PDSS2: variants seen among roughly 807,000 people sequenced by gnomAD.
PDSS2 encodes all trans-polyprenyl-diphosphate synthase PDSS2.
Under a neutral mutation model 44.5 loss-of-function variants are expected in PDSS2, and 31 were observed. That is an observed-to-expected ratio of 0.70 (90% CI 0.52 to 0.94). PDSS2 has a LOEUF of 0.94. PDSS2 is among the 40% of genes least tolerant of loss of function. The pLI, the probability that PDSS2 is intolerant of heterozygous loss-of-function variation, is 0.00. For missense variants in PDSS2, 452 were observed against 482.2 expected (o/e 0.94, Z 0.59); for synonymous variants, 157 against 180.3 (o/e 0.87, Z 1.03).
intron 2 of PDSS2, among the ~76,000 whole-genome samples, chr6:107,277,402 G>C (rs922893546): frequency 6.6e-6 from 1 of 152,234 alleles, no homozygotes; most frequent in African/African-American, 2.4e-5. Flanking sequence ...GGATAAGTGA[G>C]AGATAAGAAT....
chr6:107,303,221 A>G (rs1250238129), intron 2 of PDSS2, among the ~76,000 whole-genome samples: 1 of 152,192 alleles, frequency 6.6e-6, no homozygotes, highest in Non-Finnish European at 1.5e-5. Flanking sequence ...CACTCCCTCA[A>G]TAATGACAAT....
intron 2 of PDSS2, among the ~76,000 whole-genome samples, chr6:107,306,453 T>A (rs1036913119): frequency 2.6e-5 from 4 of 152,222 alleles, no homozygotes; most frequent in African/African-American, 9.7e-5. Flanking sequence ...CACGTGGAAC[T>A]GTAAGTCCAA....
At chr6:107,338,007 T>C (rs1036542691) in intron 1 of PDSS2, among the ~76,000 whole-genome samples, 13 of 152,176 alleles carry the variant, frequency 8.5e-5, no homozygotes, top group African/African-American at 2.4e-4. Context: ...ATCTGGAGGA[T>C]AGACTAACAG....
intron 2 of PDSS2, among the ~76,000 whole-genome samples, chr6:107,308,354 A>G (rs1776929559): frequency 6.6e-6 from 1 of 152,230 alleles, no homozygotes; most frequent in African/African-American, 2.4e-5. Flanking sequence ...AATATCTACT[A>G]TGTGTTAGAC....
intron 1 of PDSS2, among the ~76,000 whole-genome samples, chr6:107,336,840 G>C (rs1416765021): frequency 4.3e-5 from 3 of 68,972 alleles, no homozygotes; most frequent in Non-Finnish European, 5.7e-5. Context: ...GTGTGTGTGT[G>C]TGTGTGTGTG....
At chr6:107,157,559 C>T (rs577312178) in intron 7 of PDSS2, among the ~76,000 whole-genome samples, 1 of 152,252 alleles carries the variant, frequency 6.6e-6, no homozygotes, top group East Asian at 1.9e-4. Context: ...CCAAATTCCA[C>T]CTGGGTGGAA....
At chr6:107,172,629 A>C (rs181042657) in intron 7 of PDSS2, among the ~76,000 whole-genome samples, 1 of 152,318 alleles carries the variant, frequency 6.6e-6, no homozygotes, top group Admixed American at 6.5e-5. Flanking sequence ...CAGTGAATTT[A>C]TGGAGAATTT....
At chr6:107,326,827 G>A (rs964257063) in intron 2 of PDSS2, among the ~76,000 whole-genome samples, 1 of 151,734 alleles carries the variant, frequency 6.6e-6, no homozygotes, top group Non-Finnish European at 1.5e-5. Flanking sequence ...ACTACATTCT[G>A]GGTGACAGAG....
At chr6:107,373,872 A>C (rs1244229537) in intron 1 of PDSS2, among the ~76,000 whole-genome samples, 1 of 152,224 alleles carries the variant, frequency 6.6e-6, no homozygotes, top group Non-Finnish European at 1.5e-5. Flanking sequence ...AAACTAGATT[A>C]CTGCTTAGGA....
intron 1 of PDSS2, among the ~76,000 whole-genome samples, chr6:107,458,412 C>CAAAAAAAAAAAAAAAA (rs60758453): frequency 0.025 from 1,907 of 77,796 alleles, 465 homozygotes; most frequent in Middle Eastern, 0.065. Context: ...GACTCCGTCT[C>CAAAAAAAAAAAAAAAA]AAAAAAAAAA....
intron 1 of PDSS2, among the ~76,000 whole-genome samples, chr6:107,353,712 A>C (rs1472294769): frequency 6.6e-6 from 1 of 152,170 alleles, no homozygotes; most frequent in African/African-American, 2.4e-5. Flanking sequence ...AAAGTGCCAA[A>C]GATTCTCAAA....
chr6:107,381,419 A>G (rs1041922654), intron 1 of PDSS2, among the ~76,000 whole-genome samples: 2 of 152,200 alleles, frequency 1.3e-5, no homozygotes, highest in African/African-American at 4.8e-5. Context: ...TCATTTTGGA[A>G]ATGAGATTTT....
chr6:107,266,130 G>A (rs1775405270), intron 3 of PDSS2, among the ~76,000 whole-genome samples: 1 of 152,166 alleles, frequency 6.6e-6, no homozygotes, highest in African/African-American at 2.4e-5. Flanking sequence ...AAATTATTCT[G>A]ATGAAAATAT....
chr6:107,276,567 G>A (rs189047259), intron 2 of PDSS2, among the ~76,000 whole-genome samples: 3 of 152,330 alleles, frequency 2.0e-5, no homozygotes, highest in East Asian at 3.9e-4. Flanking sequence ...TGAGACTGGG[G>A]TCTTGGGAGG....
At position 107,459,024 on chromosome 6, in the gene PDSS2, C is replaced by T; in HGVS notation, c.262G>A (p.Val88Met). Residue 88 changes from valine (V) to methionine (M), a missense_variant, in exon 1 of 8, where the codon GTG becomes ATG. Coordinates refer to ENST00000369037, the MANE Select transcript of PDSS2 (RefSeq NM_020381.4). This position sits in a 1 kb window ranked among gnomAD's most constrained non-coding sequence, Gnocchi z 4.3. Reference sequence around the variant, plus strand: ...GTAAGCAGAGGGTGCTGAGTGCCCACCAGCTTCCGCACCTGCATAGCGATG... The same window carrying T: ...GTAAGCAGAGGGTGCTGAGTGCCCATCAGCTTCCGCACCTGCATAGCGATG... ...SNIAMQVRKLVGTQHPLLTTA... is the reference protein window; with the variant it reads ...SNIAMQVRKLMGTQHPLLTTA... The T allele has an allele frequency of 1.9e-6, 3 of 1,614,138 alleles. No homozygotes were observed. The highest frequency in any genetic ancestry group is 2.5e-6 in the Non-Finnish European group (3 of 1,180,016).
At chr6:107,211,458 G>A (rs1052769246) in intron 5 of PDSS2, among the ~76,000 whole-genome samples, 6 of 151,924 alleles carry the variant, frequency 3.9e-5, no homozygotes, top group Admixed American at 6.6e-5. Flanking sequence ...GGGGCCAGGC[G>A]TGGTGGCTCA....
chr6:107,225,133 ATT>A (rs200001026), intron 4 of PDSS2, among the ~76,000 whole-genome samples: 12,735 of 54,308 alleles, frequency 0.23, 1,391 homozygotes, highest in South Asian at 0.39. Context: ...CTATATATAT[ATT>A]TTTATATATA....
chr6:107,285,253 T>C (rs1275504062), intron 2 of PDSS2, among the ~76,000 whole-genome samples: 1 of 152,158 alleles, frequency 6.6e-6, no homozygotes, highest in East Asian at 1.9e-4. Context: ...ATGGGAAGAA[T>C]AAATTTGAAA....
intron 1 of PDSS2, among the ~76,000 whole-genome samples, chr6:107,393,899 T>TAA (rs1428694313): frequency 6.6e-6 from 1 of 152,242 alleles, no homozygotes; most frequent in Non-Finnish European, 1.5e-5. Flanking sequence ...CTATTTCAGC[T>TAA]TTCTTGCTAT....
Sources: gnomAD v4.1 joint callset for allele counts (sites outside exome capture counted in the v4.1 genomes callset) on GRCh38, gnomAD v4.1.1 for gene constraint, Gnocchi (gnomAD v3.1) non-coding constraint, MANE v1.5 for transcripts, NCBI Gene and HGNC (gene_info 2026-07-23, HGNC 2026-07-21) for gene names.